Variants in LHPP observed in about 807,000 individuals in gnomAD.
LHPP encodes the protein hLHPP.
In LHPP, 24 loss-of-function variants were observed where a neutral mutation model predicts 30.3. The observed-to-expected ratio is 0.79, with a 90% CI of 0.57 to 1.11. LHPP has a LOEUF of 1.11. LHPP is among the 50% of genes most tolerant of loss of function. The probability of loss-of-function intolerance (pLI) is 0.00; values close to 1 mark genes in which losing one functional copy is unlikely to be tolerated. For missense variants in LHPP, 356 were observed against 367.2 expected (o/e 0.97, Z 0.25); for synonymous variants, 150 against 157.1 (o/e 0.95, Z 0.34).
intron 6 of LHPP, among the ~76,000 whole-genome samples, chr10:124,535,931 C>G (rs886437387): frequency 1.3e-5 from 2 of 152,236 alleles, no homozygotes; most frequent in African/African-American, 4.8e-5. Context: ...AGGTGGGGCC[C>G]CTGGACCTCC....
chr10:124,573,588 G>A (rs918922751), intron 6 of LHPP, among the ~76,000 whole-genome samples: 2 of 152,212 alleles, frequency 1.3e-5, no homozygotes, highest in African/African-American at 4.8e-5. Context: ...TGGGATTACA[G>A]GCATGAACCA....
chr10:124,607,826 C>A (rs541350944), intron 6 of LHPP, among the ~76,000 whole-genome samples: 1 of 152,186 alleles, frequency 6.6e-6, no homozygotes, highest in Admixed American at 6.5e-5. Context: ...GCTGCGGTAC[C>A]AGAGAGGACG....
intron 1 of LHPP, among the ~76,000 whole-genome samples, chr10:124,462,593 A>G (rs897146750): frequency 1.3e-5 from 2 of 152,236 alleles, no homozygotes; most frequent in African/African-American, 4.8e-5. Flanking sequence ...AGACGGTCTC[A>G]TAAACAAAAC....
chr10:124,472,876 A>G (rs1299466945), intron 1 of LHPP, among the ~76,000 whole-genome samples: 2 of 152,302 alleles, frequency 1.3e-5, no homozygotes, highest in South Asian at 2.1e-4. Flanking sequence ...CATTTTTGTT[A>G]AGAGAAAACA....
chr10:124,579,955 TTCTTC>T (rs1378600506), intron 6 of LHPP, among the ~76,000 whole-genome samples: 7 of 152,250 alleles, frequency 4.6e-5, no homozygotes, highest in African/African-American at 9.6e-5. Context: ...TTTTTTAAAC[TTCTTC>T]TCTTAAGACT....
chr10:124,488,645 A>G (rs1720852422), intron 3 of LHPP, 70 bp downstream of exon 3: 2 of 1,430,446 alleles, frequency 1.4e-6, no homozygotes, highest in Admixed American at 2.2e-5. Flanking sequence ...CAACTTGCGG[A>G]ATCAGGCAGA....
intron 5 of LHPP, among the ~76,000 whole-genome samples, chr10:124,513,282 A>C (rs947918594): frequency 3.3e-5 from 5 of 151,570 alleles, no homozygotes; most frequent in Admixed American, 2.6e-4. Context: ...CTGGTCTGGA[A>C]CTCCTGGGCT....
chr10:124,602,072 C>T (rs1220072911), intron 6 of LHPP, among the ~76,000 whole-genome samples: 3 of 152,198 alleles, frequency 2.0e-5, no homozygotes, highest in East Asian at 1.9e-4. Context: ...GCCTACAGGC[C>T]TCCGGGTCTA....
At position 124,502,883 on chromosome 10, in the gene LHPP, G is replaced by A. The variant is rs151055271; in HGVS notation, c.624+4755G>A. Among the ~76,000 whole-genome samples, 1,220 of 150,656 alleles carry A rather than the reference G, an allele frequency of 8.1e-3. 27 individuals are homozygous for A. The highest frequency in any genetic ancestry group is 0.029 in the African/African-American group (1,180 of 40,638). Reference sequence around the variant, plus strand: ...GTAGAGACAGGGTTTCTCCATGTTGGCCAGGCTTGTCTTGAACTCCTGACC... The same window carrying A: ...GTAGAGACAGGGTTTCTCCATGTTGACCAGGCTTGTCTTGAACTCCTGACC... On this transcript the variant is annotated intron_variant, in intron 5 of 6. Coordinates refer to ENST00000368842, the MANE Select transcript of LHPP (RefSeq NM_022126.4).
intron 1 of LHPP, among the ~76,000 whole-genome samples, chr10:124,463,219 AC>A (rs940518283): frequency 1.3e-5 from 1 of 75,958 alleles, no homozygotes; most frequent in African/African-American, 4.0e-5. Context: ...AATTAAGTAT[AC>A]CTTTTTTTTT....
At chr10:124,481,435 G>A (rs1168664145) in intron 1 of LHPP, among the ~76,000 whole-genome samples, 1 of 146,856 alleles carries the variant, frequency 6.8e-6, no homozygotes, top group East Asian at 2.0e-4. Flanking sequence ...GGAGGGCAGT[G>A]GCTTGATCTT....
chr10:124,499,664 G>GA (rs1389383586), intron 5 of LHPP, among the ~76,000 whole-genome samples: 1 of 151,734 alleles, frequency 6.6e-6, no homozygotes, highest in Non-Finnish European at 1.5e-5. Flanking sequence ...TTAAAAAAAA[G>GA]AAAAAAGAAA....
chr10:124,506,463 C>G (rs775723361), intron 5 of LHPP, among the ~76,000 whole-genome samples: 1 of 151,660 alleles, frequency 6.6e-6, no homozygotes, highest in Non-Finnish European at 1.5e-5. Context: ...TGGGGAGAAC[C>G]GCAGCATTAA....
intron 6 of LHPP, among the ~76,000 whole-genome samples, chr10:124,540,752 C>T (rs1235641528): frequency 6.6e-6 from 1 of 152,012 alleles, no homozygotes; most frequent in Non-Finnish European, 1.5e-5. Context: ...ACAGAGGCCC[C>T]GGGACCCCAA....
chr10:124,484,403 C>T lies in LHPP; in HGVS notation c.313+77C>T, dbSNP rs2361620. On this transcript the variant is annotated intron_variant, in intron 2 of 6. Transcript: ENST00000368842. ...AGGGTGGGGGCTGTGCAGAGAGCCT[C>T]TTTCACTGGGCCAAACCACTGACTG... 2,071 of 1,404,334 alleles carry T rather than the reference C, an allele frequency of 1.5e-3. 16 individuals are homozygous for T. In the African/African-American group the frequency reaches 0.019, roughly 13 times the overall value. The allele number at this position is 1,404,334 out of a possible 1,614,324, so 87.0% of individuals were successfully genotyped here.
chr10:124,547,625 G>T (rs1955381975), intron 6 of LHPP, among the ~76,000 whole-genome samples: 1 of 152,270 alleles, frequency 6.6e-6, no homozygotes, highest in Non-Finnish European at 1.5e-5. Context: ...GGATGCTGTA[G>T]CTTGCCTGAA....
intron 1 of LHPP, among the ~76,000 whole-genome samples, chr10:124,466,229 A>G (rs1589748320): frequency 6.6e-6 from 1 of 152,202 alleles, no homozygotes; most frequent in Non-Finnish European, 1.5e-5. Flanking sequence ...ACATATTACT[A>G]GTGGAGACAG....
chr10:124,524,275 A>ATTTT (rs59957047), intron 6 of LHPP, among the ~76,000 whole-genome samples: 1 of 126,198 alleles, frequency 7.9e-6, no homozygotes, highest in African/African-American at 3.0e-5. Context: ...TTTTGTTTTC[A>ATTTT]TTTTTTTTTT....
At chr10:124,533,961 G>A (rs998700617) in intron 6 of LHPP, among the ~76,000 whole-genome samples, 2 of 152,146 alleles carry the variant, frequency 1.3e-5, no homozygotes, top group African/African-American at 2.4e-5. Flanking sequence ...AGGCTCATTG[G>A]GTTGGCAGGG....
Sources: gnomAD v4.1 joint callset for allele counts (sites outside exome capture counted in the v4.1 genomes callset) on GRCh38, gnomAD v4.1.1 for gene constraint, MANE v1.5 for transcripts, NCBI Gene and HGNC (gene_info 2026-07-23, HGNC 2026-07-21) for gene names.